Variants in NAV2 observed in about 807,000 individuals in gnomAD.
NAV2 encodes helicase, APC down-regulated 1.
Under a neutral mutation model 223.2 loss-of-function variants are expected in NAV2, and 54 were observed. The ratio of observed to expected loss-of-function variants is 0.24; its 90% CI spans 0.19 to 0.30. NAV2 has a LOEUF of 0.30. Ranked by LOEUF, NAV2 falls within the 10% of genes least tolerant of loss-of-function variation. The pLI, the probability that NAV2 is intolerant of heterozygous loss-of-function variation, is 1.00. For missense variants in NAV2, 2,806 were observed against 3,147.5 expected (o/e 0.89, Z 2.60); for synonymous variants, 1,279 against 1,239.3 (o/e 1.03, Z -0.67).
chr11:19,580,789 T>C (rs947482351), intron 1 of NAV2, among the ~76,000 whole-genome samples: 5 of 152,212 alleles, frequency 3.3e-5, no homozygotes, highest in African/African-American at 9.7e-5. Flanking sequence ...AGATTTTCTC[T>C]TGGGAACACA....
chr11:20,077,426 A>G, intron 22 of NAV2, 126 bp from the exon 23 acceptor site: 1 of 660,038 alleles, frequency 1.5e-6, no homozygotes, highest in South Asian at 1.9e-5. Context: ...AGTGGGATTC[A>G]AGAGGAGGCT....
intron 1 of NAV2, among the ~76,000 whole-genome samples, chr11:19,695,760 C>T (rs2049312677): frequency 6.6e-6 from 1 of 152,022 alleles, no homozygotes; most frequent in South Asian, 2.1e-4. Context: ...AAAAATTAGC[C>T]AGGCATGGTG....
chr11:19,398,806 C>T (rs1849568781), intron 1 of NAV2, among the ~76,000 whole-genome samples: 3 of 152,176 alleles, frequency 2.0e-5, no homozygotes, highest in Non-Finnish European at 1.5e-5. Flanking sequence ...GGGATCCGGG[C>T]CCCTCCTTCC....
chr11:19,996,097 AG>A, intron 11 of NAV2, among the ~76,000 whole-genome samples: 1 of 152,324 alleles, frequency 6.6e-6, no homozygotes. Flanking sequence ...CTTACAAATA[AG>A]GAAAATAAGG....
chr11:19,358,321 G>A (rs1853738516), intron 1 of NAV2, among the ~76,000 whole-genome samples: 1 of 152,130 alleles, frequency 6.6e-6, no homozygotes, highest in Non-Finnish European at 1.5e-5. Flanking sequence ...AGGAAGCAGA[G>A]GCAAATATGG....
At chr11:19,913,169 T>G (rs577852859) in intron 6 of NAV2, among the ~76,000 whole-genome samples, 123 of 152,368 alleles carry the variant, frequency 8.1e-4, no homozygotes, top group African/African-American at 2.9e-3. Flanking sequence ...AGAAATCATT[T>G]GAAAAATAAT....
intron 1 of NAV2, among the ~76,000 whole-genome samples, chr11:19,643,821 C>G (rs989800215): frequency 6.6e-6 from 1 of 152,186 alleles, no homozygotes; most frequent in South Asian, 2.1e-4. Flanking sequence ...TCCTCTCCAG[C>G]ACCTGTTGTT....
chr11:20,074,574 C>T (rs1490663381), intron 22 of NAV2, among the ~76,000 whole-genome samples: 1 of 152,052 alleles, frequency 6.6e-6, no homozygotes, highest in Non-Finnish European at 1.5e-5. Flanking sequence ...GTCTAAGTCT[C>T]TTTGTAGGTC....
At chr11:19,486,748 C>G (rs1274101044) in intron 1 of NAV2, among the ~76,000 whole-genome samples, 1 of 152,118 alleles carries the variant, frequency 6.6e-6, no homozygotes, top group Non-Finnish European at 1.5e-5. Flanking sequence ...GGACTAATAC[C>G]GTCACTCTCT....
chr11:19,847,881 C>T (rs925909338), intron 3 of NAV2, among the ~76,000 whole-genome samples: 1 of 152,126 alleles, frequency 6.6e-6, no homozygotes, highest in Non-Finnish European at 1.5e-5. Context: ...GCAGTTACTA[C>T]GATAATGAAG....
intron 1 of NAV2, among the ~76,000 whole-genome samples, chr11:19,569,851 A>G (rs1191443867): frequency 6.6e-6 from 1 of 152,176 alleles, no homozygotes; most frequent in African/African-American, 2.4e-5. Flanking sequence ...AGGTTGTCCC[A>G]CTGCCCCAGA....
intron 1 of NAV2, among the ~76,000 whole-genome samples, chr11:19,646,044 T>C (rs2047807359): frequency 6.6e-6 from 1 of 152,218 alleles, no homozygotes. Context: ...CGGGCAGTGA[T>C]ACCTCATTGG....
At chr11:19,408,934 G>C (rs1295838972) in intron 1 of NAV2, among the ~76,000 whole-genome samples, 1 of 150,336 alleles carries the variant, frequency 6.7e-6, no homozygotes, top group Non-Finnish European at 1.5e-5. Flanking sequence ...GAAGTGGATA[G>C]AGTTCCCTCT....
chr11:19,596,674 A>G (rs1356098415), intron 1 of NAV2, among the ~76,000 whole-genome samples: 1 of 152,224 alleles, frequency 6.6e-6, no homozygotes, highest in African/African-American at 2.4e-5. Context: ...ACACAGGCAG[A>G]CAGACACTGT....
intron 6 of NAV2, among the ~76,000 whole-genome samples, chr11:19,926,015 G>T (rs1164806144): frequency 1.3e-5 from 2 of 152,052 alleles, no homozygotes; most frequent in Admixed American, 1.3e-4. Context: ...GAAAGTGTGA[G>T]GCCTCCAACT....
chr11:19,938,440 C>T (rs921513987), intron 7 of NAV2, among the ~76,000 whole-genome samples: 20 of 152,184 alleles, frequency 1.3e-4, no homozygotes, highest in African/African-American at 4.8e-4. Flanking sequence ...TTGGCACCAG[C>T]AGGTGGCGAT....
At chr11:19,387,788 G>C (rs1307360435) in intron 1 of NAV2, among the ~76,000 whole-genome samples, 2 of 152,150 alleles carry the variant, frequency 1.3e-5, no homozygotes, top group Admixed American at 6.5e-5. Flanking sequence ...TTTAAATAGA[G>C]TTCTTTGATT....
intron 3 of NAV2, among the ~76,000 whole-genome samples, chr11:19,845,431 G>T (rs781147268): frequency 6.6e-6 from 1 of 152,164 alleles, no homozygotes; most frequent in African/African-American, 2.4e-5. Context: ...CTGTTAGGAG[G>T]GTAATGGGCT....
intron 1 of NAV2, among the ~76,000 whole-genome samples, chr11:19,362,369 A>AT (rs529791314): frequency 3.7e-4 from 56 of 152,032 alleles, no homozygotes; most frequent in African/African-American, 9.9e-4. Flanking sequence ...AAATTGACTC[A>AT]TTTTTTTTAA....
Sources: gnomAD v4.1 joint callset for allele counts (sites outside exome capture counted in the v4.1 genomes callset) on GRCh38, gnomAD v4.1.1 for gene constraint, MANE v1.5 for transcripts, NCBI Gene and HGNC (gene_info 2026-07-23, HGNC 2026-07-21) for gene names.